The following CTNNBL1 variants were observed in gnomAD, a reference collection of about 807,000 sequenced individuals.
CTNNBL1 encodes the protein catenin beta like 1, also known as beta-catenin-like protein 1.
A neutral mutation model predicts 72.7 loss-of-function variants in CTNNBL1; 31 were observed. That is an observed-to-expected ratio of 0.43 (90% CI 0.32 to 0.58). The LOEUF is 0.58. Ranked by LOEUF, CTNNBL1 falls within the 20% of genes least tolerant of loss-of-function variation. The pLI is 0.08. For missense variants in CTNNBL1, 534 were observed against 725.1 expected (o/e 0.74, Z 3.03); for synonymous variants, 240 against 267.3 (o/e 0.90, Z 1.00).
chr20:37,859,698 T>C (rs1201209012), intron 13 of CTNNBL1, among the ~76,000 whole-genome samples: 3 of 152,088 alleles, frequency 2.0e-5, no homozygotes, highest in African/African-American at 7.2e-5. Flanking sequence ...GCTTGCCTCC[T>C]GGGGCCTCTA....
intron 11 of CTNNBL1, among the ~76,000 whole-genome samples, chr20:37,811,408 T>G (rs1410738616): frequency 6.6e-6 from 1 of 152,232 alleles, no homozygotes; most frequent in Non-Finnish European, 1.5e-5. Flanking sequence ...CAGTTTATGT[T>G]AAATAAGGAT....
intron 11 of CTNNBL1, among the ~76,000 whole-genome samples, chr20:37,830,948 C>CA (rs1027467576): frequency 4.1e-4 from 62 of 152,218 alleles, no homozygotes; most frequent in Middle Eastern, 3.4e-3. Flanking sequence ...ATCGTAAAGA[C>CA]AAAAAATAAG....
chr20:37,777,325 T>C lies in CTNNBL1; in HGVS notation c.751-20T>C. 1 of 1,608,072 alleles carries C rather than the reference T, an allele frequency of 6.2e-7. No individual in the cohort carries two copies. The highest frequency in any genetic ancestry group is 8.5e-7 in the Non-Finnish European group (1 of 1,174,550). On this transcript the variant is annotated intron_variant, in intron 7 of 15. Transcript: ENST00000361383. ...GCAAGACCCCTTAACATTTTTCTCATTTCTCCTATTTCCCCATAGGCAAAG... is the reference window on the plus strand; with the variant it reads ...GCAAGACCCCTTAACATTTTTCTCACTTCTCCTATTTCCCCATAGGCAAAG...
At chr20:37,818,356 C>T (rs958340455) in intron 11 of CTNNBL1, among the ~76,000 whole-genome samples, 3 of 152,138 alleles carry the variant, frequency 2.0e-5, no homozygotes, top group Admixed American at 6.5e-5. Flanking sequence ...TTGGGAGATC[C>T]TCCAGTCTCC....
chr20:37,813,438 G>A lies in CTNNBL1; in HGVS notation c.1213+10390G>A, dbSNP rs531167771. On this transcript the variant is annotated intron_variant, in intron 11 of 15. Coordinates refer to ENST00000361383, the MANE Select transcript of CTNNBL1 (RefSeq NM_030877.5). ...CAGAGGACTCTTCCAAAGTTTTACA[G>A]GTCATAGGTATAGTACTAATTTCAG... 2.1e-4 allele frequency among the ~76,000 whole-genome samples: 32 copies of A among 152,294 alleles called. 1 individual carries two copies. The highest frequency in any genetic ancestry group is 3.4e-3 in the Middle Eastern group (1 of 294).
chr20:37,860,276 G>A lies in CTNNBL1; in HGVS notation c.1535G>A (p.Arg512His), dbSNP rs1034379046. The A allele has an allele frequency of 1.2e-5, 20 of 1,613,786 alleles. 1 individual carries two copies. The highest frequency in any genetic ancestry group is 3.3e-4 in the Middle Eastern group (2 of 6,062). The change falls in exon 15 of 16, where the codon CGC (arginine) becomes CAC (histidine). Residue 512 changes from arginine (R) to histidine (H), a missense_variant. Transcript: ENST00000361383. ...ACCCATTTTTTCCCTTATTAGATTC[G>A]CCAGAGGGTTCACCAGATCCTAAAC... The part of the protein sequence containing the change: ...EICNANVPQI[R>H]QRVHQILNMR...
At chr20:37,765,973 C>T (rs1038225169) in intron 6 of CTNNBL1, among the ~76,000 whole-genome samples, 5 of 152,102 alleles carry the variant, frequency 3.3e-5, no homozygotes, top group Non-Finnish European at 7.4e-5. Flanking sequence ...CTTATAAAAC[C>T]AGAGATGACA....
intron 1 of CTNNBL1, among the ~76,000 whole-genome samples, chr20:37,716,775 CTAAAG>C (rs1183199254): frequency 2.6e-5 from 4 of 152,154 alleles, no homozygotes; most frequent in Non-Finnish European, 5.9e-5. Flanking sequence ...TTTTCAGACT[CTAAAG>C]TATTGCCCAT....
chr20:37,805,047 G>A (rs2071941971), intron 11 of CTNNBL1, among the ~76,000 whole-genome samples: 1 of 152,236 alleles, frequency 6.6e-6, no homozygotes, highest in Admixed American at 6.5e-5. Context: ...TGCCACCCCT[G>A]CCAGCTGCTG....
At chr20:37,868,373 G>A (rs566691873) in intron 15 of CTNNBL1, among the ~76,000 whole-genome samples, 1 of 152,132 alleles carries the variant, frequency 6.6e-6, no homozygotes, top group African/African-American at 2.4e-5. Flanking sequence ...GGTTGCTTCA[G>A]TTCTCTGATA....
intron 11 of CTNNBL1, among the ~76,000 whole-genome samples, chr20:37,826,387 C>T (rs1429524700): frequency 1.3e-5 from 2 of 152,144 alleles, no homozygotes; most frequent in African/African-American, 4.8e-5. Context: ...TGCTTTGCAC[C>T]CAGTAGGTGC....
At chr20:37,756,557 A>G (rs1240302575) in intron 4 of CTNNBL1, among the ~76,000 whole-genome samples, 1 of 151,144 alleles carries the variant, frequency 6.6e-6, no homozygotes, top group Non-Finnish European at 1.5e-5. Flanking sequence ...CCAGTTTCCA[A>G]ATATAACTCT....
intron 12 of CTNNBL1, 144 bp downstream of exon 12, chr20:37,840,343 A>C (rs2072293442): frequency 1.6e-6 from 1 of 635,324 alleles, no homozygotes; most frequent in Non-Finnish European, 2.8e-6. Context: ...TTGCGTGTCA[A>C]AGGCTCTTCT....
chr20:37,718,644 C>A (rs1337576649), intron 1 of CTNNBL1, among the ~76,000 whole-genome samples: 1 of 152,198 alleles, frequency 6.6e-6, no homozygotes, highest in Non-Finnish European at 1.5e-5. Flanking sequence ...GGGGGCTGAC[C>A]ACCCCACCTC....
intron 14 of CTNNBL1, 34 bp from the exon 15 acceptor site, chr20:37,860,238 T>C: frequency 6.3e-7 from 1 of 1,583,358 alleles, no homozygotes; most frequent in Non-Finnish European, 8.7e-7. Flanking sequence ...CAAATGGTTG[T>C]CTTTCTTTCT....
intron 2 of CTNNBL1, among the ~76,000 whole-genome samples, chr20:37,736,524 A>AT (rs759099644): frequency 6.6e-6 from 1 of 152,142 alleles, no homozygotes; most frequent in African/African-American, 2.4e-5. Context: ...TATTTGTTGA[A>AT]TGAGTGAGTC....
chr20:37,871,887 C>T (rs750119539), intron 15 of CTNNBL1, 38 bp from the exon 16 acceptor site: 9 of 1,564,186 alleles, frequency 5.8e-6, no homozygotes, highest in Middle Eastern at 1.7e-4. Flanking sequence ...GGATGCCATG[C>T]CTGGGATCCA....
At chr20:37,718,226 C>T (rs1277557403) in intron 1 of CTNNBL1, among the ~76,000 whole-genome samples, 8 of 148,610 alleles carry the variant, frequency 5.4e-5, no homozygotes, top group African/African-American at 1.8e-4. Context: ...GGCGGCTGGC[C>T]GGGCGGGGGG....
At chr20:37,808,248 A>G (rs1057138744) in intron 11 of CTNNBL1, among the ~76,000 whole-genome samples, 3 of 152,220 alleles carry the variant, frequency 2.0e-5, no homozygotes, top group Non-Finnish European at 2.9e-5. Flanking sequence ...TGGACTCCAC[A>G]TATCAGGAAG....
Sources: gnomAD v4.1 joint callset for allele counts (sites outside exome capture counted in the v4.1 genomes callset) on GRCh38, gnomAD v4.1.1 for gene constraint, MANE v1.5 for transcripts, NCBI Gene and HGNC (gene_info 2026-07-23, HGNC 2026-07-21) for gene names.